NAALADL2: variants seen among roughly 807,000 people sequenced by gnomAD.
The protein encoded by NAALADL2 is inactive N-acetylated-alpha-linked acidic dipeptidase-like protein 2.
NAALADL2 carries 76 observed loss-of-function variants against 87.2 expected under a neutral mutation model. The ratio of observed to expected loss-of-function variants is 0.87; its 90% confidence interval spans 0.72 to 1.05. The LOEUF is 1.05. Ranked by LOEUF, NAALADL2 falls within the 50% of genes least tolerant of loss-of-function variation. The pLI, the probability that NAALADL2 is intolerant of heterozygous loss-of-function variation, is 0.00. For missense variants in NAALADL2, 1,089 were observed against 945.8 expected (o/e 1.15, Z -1.99); for synonymous variants, 354 against 331.0 (o/e 1.07, Z -0.75).
At chr3:175,066,040 T>C (rs968701157) in intron 1 of NAALADL2, among the ~76,000 whole-genome samples, 10 of 152,076 alleles carry the variant, frequency 6.6e-5, no homozygotes, top group African/African-American at 2.4e-4. Flanking sequence ...TTCAACCAGT[T>C]AGCCCCTTCA....
chr3:175,099,866 T>C (rs1721821702), intron 2 of NAALADL2, among the ~76,000 whole-genome samples: 1 of 152,072 alleles, frequency 6.6e-6, no homozygotes, highest in Admixed American at 6.6e-5. Context: ...CTAATAGACA[T>C]TGAGTAATTA....
intron 11 of NAALADL2, among the ~76,000 whole-genome samples, chr3:175,730,009 A>T (rs1215208144): frequency 1.3e-5 from 2 of 152,096 alleles, no homozygotes; most frequent in African/African-American, 4.8e-5. Context: ...AGAAAACCAC[A>T]CAATGCTCAA....
intron 1 of NAALADL2, among the ~76,000 whole-genome samples, chr3:174,992,994 GTCT>G (rs1479246501): frequency 2.6e-5 from 4 of 152,030 alleles, no homozygotes; most frequent in Non-Finnish European, 5.9e-5. Context: ...CTGTCTTTTA[GTCT>G]TCTTTACCAG....
chr3:175,737,714 GTTT>G (rs71164650), intron 12 of NAALADL2, among the ~76,000 whole-genome samples: 135 of 54,726 alleles, frequency 2.5e-3, no homozygotes, highest in African/African-American at 0.01. Flanking sequence ...CAATGATCCA[GTTT>G]TTTTTTTTTT....
chr3:174,476,225 G>A (rs1181430701), intron 1 of NAALADL2, among the ~76,000 whole-genome samples: 3 of 150,180 alleles, frequency 2.0e-5, no homozygotes, highest in Admixed American at 1.3e-4. Flanking sequence ...TTTGTTAATG[G>A]TTATTTAAAG....
intron 3 of NAALADL2, among the ~76,000 whole-genome samples, chr3:174,794,085 G>A (rs1240151276): frequency 6.6e-6 from 1 of 151,954 alleles, no homozygotes; most frequent in Admixed American, 6.6e-5. Context: ...TTCCAAAGTA[G>A]CAAGAAACCC....
At chr3:174,867,163 AAAG>A (rs950032453) in intron 1 of NAALADL2, among the ~76,000 whole-genome samples, 1 of 148,820 alleles carries the variant, frequency 6.7e-6, no homozygotes, top group Non-Finnish European at 1.5e-5. Context: ...CAAAAATAAA[AAAG>A]GGGAAAGAAC....
intron 9 of NAALADL2, among the ~76,000 whole-genome samples, chr3:175,472,828 A>G (rs1486139482): frequency 6.6e-6 from 1 of 152,142 alleles, no homozygotes; most frequent in East Asian, 1.9e-4. Flanking sequence ...CTGTAAGTTA[A>G]TTTCTCCTGC....
At chr3:175,519,307 A>T (rs185738713) in intron 9 of NAALADL2, among the ~76,000 whole-genome samples, 2,307 of 152,322 alleles carry the variant, frequency 0.015, 60 homozygotes, top group African/African-American at 0.052. Context: ...GAGAGATTCT[A>T]GTTGCTATGG....
intron 1 of NAALADL2, among the ~76,000 whole-genome samples, chr3:174,441,980 T>TA (rs1714685724): frequency 1.3e-5 from 2 of 152,240 alleles, no homozygotes; most frequent in Admixed American, 6.5e-5. Flanking sequence ...ACTTTTTTTT[T>TA]AACCACCCGA....
chr3:175,748,101 A>T (rs1746156390), intron 12 of NAALADL2, among the ~76,000 whole-genome samples: 1 of 152,082 alleles, frequency 6.6e-6, no homozygotes, highest in Admixed American at 6.6e-5. Flanking sequence ...TTTAGCTATA[A>T]TTATCCATTG....
chr3:175,218,031 A>G (rs757572923), intron 2 of NAALADL2: 1 of 401,556 alleles, frequency 2.5e-6, no homozygotes, highest in South Asian at 1.9e-5. Flanking sequence ...ATTTCTAGAA[A>G]GTATTGCAGT....
Position 174,821,559 on chromosome 3 carries a change from A to G in NAALADL2, c.-9+83813A>G, listed in dbSNP as rs1308766110. Among the ~76,000 whole-genome samples the G allele has an allele frequency of 2.6e-5, 4 of 152,216 alleles. No individual in the cohort carries two copies. The East Asian group carries it at 5.8e-4, about 22-fold the overall frequency. On this transcript the variant is annotated intron_variant, in intron 3 of 3. Coordinates refer to the NAALADL2 transcript ENST00000434257. ...GTTTTCCCCTGGTGAGCTATCAGACAGATTGAGCAAATGAACCACTAGTCA... is the reference window on the plus strand; with the variant it reads ...GTTTTCCCCTGGTGAGCTATCAGACGGATTGAGCAAATGAACCACTAGTCA...
At chr3:175,494,723 GACCTAT>G (rs1450485422) in intron 9 of NAALADL2, among the ~76,000 whole-genome samples, 1 of 151,984 alleles carries the variant, frequency 6.6e-6, no homozygotes, top group East Asian at 1.9e-4. Context: ...AAATACTATG[GACCTAT>G]CGTCTGCTGT....
chr3:175,462,993 T>C (rs1723387556), intron 6 of NAALADL2, among the ~76,000 whole-genome samples: 1 of 152,214 alleles, frequency 6.6e-6, no homozygotes, highest in Non-Finnish European at 1.5e-5. Flanking sequence ...CACATGTTCT[T>C]TATCTGAAAA....
At chr3:175,226,694 T>G (rs1744208145) in intron 2 of NAALADL2, among the ~76,000 whole-genome samples, 1 of 152,110 alleles carries the variant, frequency 6.6e-6, no homozygotes, top group Admixed American at 6.6e-5. Flanking sequence ...GTAGTTACTA[T>G]GTTATTTTAG....
At chr3:175,534,128 C>T (rs1397595327) in intron 9 of NAALADL2, among the ~76,000 whole-genome samples, 1 of 151,024 alleles carries the variant, frequency 6.6e-6, no homozygotes, top group Admixed American at 6.6e-5. Flanking sequence ...GAGTCCTTAG[C>T]ATTTTGGGGA....
chr3:175,196,106 G>C (rs1043198715), intron 2 of NAALADL2, among the ~76,000 whole-genome samples: 2 of 151,872 alleles, frequency 1.3e-5, no homozygotes, highest in Non-Finnish European at 2.9e-5. Context: ...CACAGTCAAC[G>C]TGTTGATGGA....
At chr3:175,465,471 A>ATTTTTTTTTTTTTTTTTTTTTT (rs1560595976) in intron 7 of NAALADL2, among the ~76,000 whole-genome samples, 1 of 129,028 alleles carries the variant, frequency 7.8e-6, no homozygotes, top group Non-Finnish European at 1.5e-5. Flanking sequence ...CATGAATTAA[A>ATTTTTTTTTTTTTTTTTTTTTT]TCTTTTTTTT....
Sources: gnomAD v4.1 joint callset for allele counts (sites outside exome capture counted in the v4.1 genomes callset) on GRCh38, gnomAD v4.1.1 for gene constraint, MANE v1.5 for transcripts, NCBI Gene and HGNC (gene_info 2026-07-23, HGNC 2026-07-21) for gene names.